EMSY: variants seen among roughly 807,000 people sequenced by gnomAD.
EMSY encodes BRCA2-interacting transcriptional repressor EMSY.
In EMSY, 26 loss-of-function variants were observed where a neutral mutation model predicts 134.6. That is an observed-to-expected ratio of 0.19 (90% CI 0.14 to 0.27). The LOEUF (loss-of-function observed/expected upper bound fraction) is 0.27, where lower values mean the gene tolerates loss of function less well. Among genes scored for constraint, EMSY ranks in the 10% least tolerant of loss-of-function variants. The pLI is 1.00. For synonymous variants in EMSY, 579 were observed against 577.8 expected, an observed-to-expected ratio of 1.00 and a Z score of -0.03; for missense variants, 1,305 against 1,611.4, an observed-to-expected ratio of 0.81 and a Z score of 3.26.
intron 8 of EMSY, among the ~76,000 whole-genome samples, chr11:76,476,160 A>G (rs533316529): frequency 2.6e-4 from 39 of 152,326 alleles, no homozygotes; most frequent in Non-Finnish European, 2.1e-4. Context: ...TAGGAGCTTG[A>G]TTAGATTCAA....
chr11:76,455,927 T>C (rs1947854115), intron 4 of EMSY, among the ~76,000 whole-genome samples: 1 of 152,274 alleles, frequency 6.6e-6, no homozygotes, highest in Non-Finnish European at 1.5e-5. Context: ...CACTCAGACA[T>C]TCACAGGATA....
chr11:76,462,415 C>T (rs900933528), intron 6 of EMSY, among the ~76,000 whole-genome samples: 1 of 152,164 alleles, frequency 6.6e-6, no homozygotes, highest in African/African-American at 2.4e-5. Flanking sequence ...TTTGTATGTG[C>T]AAGGCACTAT....
chr11:76,519,151 G>A (rs183722305), intron 11 of EMSY, among the ~76,000 whole-genome samples: 16 of 146,126 alleles, frequency 1.1e-4, no homozygotes, highest in Admixed American at 3.5e-4. Context: ...TGCTACCCCC[G>A]CCTCCCAGGT....
chr11:76,453,641 C>T (rs1457646277), intron 4 of EMSY: 1 of 301,388 alleles, frequency 3.3e-6, no homozygotes, highest in African/African-American at 2.2e-5. Context: ...AACTAAAAAT[C>T]ACCACAATTT....
At chr11:76,457,010 C>G (rs893937326) in intron 4 of EMSY, among the ~76,000 whole-genome samples, 1 of 152,110 alleles carries the variant, frequency 6.6e-6, no homozygotes, top group Non-Finnish European at 1.5e-5. Flanking sequence ...TATTTGATAT[C>G]TCTGACTCAG....
chr11:76,458,025 T>A (rs1220770818), intron 4 of EMSY, 158 bp from the exon 6 acceptor site: 7 of 516,822 alleles, frequency 1.4e-5, no homozygotes, highest in Non-Finnish European at 1.6e-5. Context: ...TGAATTATAA[T>A]TATTCATAAT....
intron 8 of EMSY, among the ~76,000 whole-genome samples, chr11:76,477,623 G>A (rs891584701): frequency 2.6e-5 from 4 of 152,088 alleles, no homozygotes; most frequent in Non-Finnish European, 5.9e-5. Context: ...TCTGGTGCTG[G>A]TAATACAGAA....
chr11:76,469,907 A>G (rs1948506856), intron 7 of EMSY, among the ~76,000 whole-genome samples: 1 of 152,182 alleles, frequency 6.6e-6, no homozygotes, highest in Admixed American at 6.6e-5. Context: ...GATCAAGTCT[A>G]TCTATAAATA....
intron 8 of EMSY, among the ~76,000 whole-genome samples, chr11:76,480,492 A>G (rs966952335): frequency 3.3e-5 from 5 of 152,102 alleles, no homozygotes; most frequent in African/African-American, 1.2e-4. Flanking sequence ...TTCCAGTTGA[A>G]ATTCTCCTCA....
At chr11:76,547,082 C>T (rs1951680680) in intron 20 of EMSY, 1 of 454,878 alleles carries the variant, frequency 2.2e-6, no homozygotes. Flanking sequence ...TGTATTTTAT[C>T]TCCCTCTCTC....
At chr11:76,471,052 A>G (rs1462600949) in intron 7 of EMSY, among the ~76,000 whole-genome samples, 1 of 152,086 alleles carries the variant, frequency 6.6e-6, no homozygotes, top group Non-Finnish European at 1.5e-5. Flanking sequence ...TTACCTTTGC[A>G]GTGTATTCAG....
At chr11:76,545,733 G>T in intron 19 of EMSY, 64 bp from the exon 21 acceptor site, 6 of 1,503,508 alleles carry the variant, frequency 4.0e-6, no homozygotes, top group Non-Finnish European at 5.4e-6. Flanking sequence ...ATTGTCTGGG[G>T]TGTTTGATTA....
In EMSY at chr11:76,544,880, G is replaced by A. The variant is rs532649944; in HGVS notation, c.3273+58G>A. On this transcript the variant is annotated intron_variant, in intron 19 of 20. Coordinates refer to ENST00000334736, the Ensembl canonical transcript of EMSY. Reference sequence around the variant, plus strand: ...CTTCTCTGTTCACGGAAAAAAAAATGAGAACATCACGACCCTATCATGATA... The same window carrying A: ...CTTCTCTGTTCACGGAAAAAAAAATAAGAACATCACGACCCTATCATGATA... 3.6e-5 allele frequency: 56 copies of A among 1,535,064 alleles called. No homozygotes were observed. The Middle Eastern group carries it at 6.8e-4, about 19-fold the overall frequency.
chr11:76,495,383 C>T (rs1949612762), intron 8 of EMSY, among the ~76,000 whole-genome samples: 2 of 152,150 alleles, frequency 1.3e-5, no homozygotes, highest in Non-Finnish European at 2.9e-5. Context: ...ATTCCAGGTT[C>T]TCTCAGTTAG....
At chr11:76,527,700 G>A (rs1395923755) in intron 13 of EMSY, among the ~76,000 whole-genome samples, 2 of 151,304 alleles carry the variant, frequency 1.3e-5, no homozygotes, top group Non-Finnish European at 2.9e-5. Context: ...TTCATCTGGG[G>A]TTTCTTCAAA....
chr11:76,545,851 G>A (rs1951626415), exon 20 of EMSY: 1 of 1,613,722 alleles, frequency 6.2e-7, no homozygotes. Flanking sequence ...AACTTTTGAG[G>A]GGCGCCAGCC....
chr11:76,535,486 T>C (rs2136517742), intron 14 of EMSY, among the ~76,000 whole-genome samples: 1 of 152,322 alleles, frequency 6.6e-6, no homozygotes, highest in Admixed American at 6.5e-5. Flanking sequence ...GTTCTTACTA[T>C]ACACAAACAT....
intron 12 of EMSY, among the ~76,000 whole-genome samples, chr11:76,524,879 G>A (rs1044681856): frequency 2.0e-5 from 3 of 152,250 alleles, no homozygotes; most frequent in South Asian, 2.1e-4. Context: ...AAAAATTAGC[G>A]TGAAGGTGTG....
chr11:76,537,734 A>G (rs1376682939), intron 15 of EMSY, 61 bp from the exon 17 acceptor site: 7 of 1,435,230 alleles, frequency 4.9e-6, no homozygotes, highest in Admixed American at 2.0e-5. Flanking sequence ...CCTGTGGACA[A>G]CTCTGGTTTT....
Sources: gnomAD v4.1 joint callset for allele counts (sites outside exome capture counted in the v4.1 genomes callset) on GRCh38, gnomAD v4.1.1 for gene constraint, MANE v1.5 for transcripts, NCBI Gene and HGNC (gene_info 2026-07-23, HGNC 2026-07-21) for gene names.